The following PLEKHA2 variants were observed in gnomAD, a reference collection of about 807,000 sequenced individuals.
PLEKHA2 encodes the protein pleckstrin homology domain-containing family A member 2.
Under a neutral mutation model 53.2 loss-of-function variants are expected in PLEKHA2, and 28 were observed. That is an observed-to-expected ratio of 0.53 (90% confidence interval 0.39 to 0.72). The LOEUF is 0.72. Ranked by LOEUF, PLEKHA2 falls within the 30% of genes least tolerant of loss-of-function variation. The probability of loss-of-function intolerance (pLI) is 0.00; values close to 1 mark genes in which losing one functional copy is unlikely to be tolerated. For synonymous variants in PLEKHA2, 193 were observed against 196.4 expected (o/e 0.98, Z 0.14); for missense variants, 426 against 537.9 (o/e 0.79, Z 2.06).
intron 10 of PLEKHA2, among the ~76,000 whole-genome samples, chr8:38,958,005 G>A (rs974232580): frequency 2.0e-5 from 3 of 152,172 alleles, no homozygotes; most frequent in Non-Finnish European, 2.9e-5. Flanking sequence ...TCGCAGCCCC[G>A]TGGTGATGCT....
At chr8:38,902,343 C>T (rs531721466) in intron 1 of PLEKHA2, among the ~76,000 whole-genome samples, 29 of 152,248 alleles carry the variant, frequency 1.9e-4, no homozygotes, top group African/African-American at 6.5e-4. Context: ...GCCAGCCCTG[C>T]CCCCAGGCCC....
intron 2 of PLEKHA2, among the ~76,000 whole-genome samples, chr8:38,932,957 C>T (rs960176576): frequency 2.6e-5 from 4 of 152,122 alleles, no homozygotes; most frequent in African/African-American, 7.2e-5. Flanking sequence ...AGAGTGGCTG[C>T]GGCATCTTTC....
At chr8:38,925,300 T>C (rs1225611779) in intron 2 of PLEKHA2, among the ~76,000 whole-genome samples, 1 of 152,242 alleles carries the variant, frequency 6.6e-6, no homozygotes, top group African/African-American at 2.4e-5. Context: ...AGGGCCGCCC[T>C]ACTCTAGTAC....
rs202098185 is a variant in PLEKHA2, at chr8:38,913,742, TC to T, written c.-23-4160del. On this transcript the variant is annotated intron_variant, in intron 1 of 11. Coordinates refer to ENST00000617275, the MANE Select transcript of PLEKHA2 (RefSeq NM_021623.2). ...GCTGAGGCTTCTTTCCAGGATATGC[TC>T]CCCCGCCCCCAGCCAGCGCCAGACC... Among the ~76,000 whole-genome samples the T allele has an allele frequency of 3.8e-3, 576 of 152,184 alleles. 11 individuals carry two copies. The highest frequency in any genetic ancestry group is 0.032 in the East Asian group (166 of 5,158).
At chr8:38,937,371 G>C (rs1488641435) in intron 3 of PLEKHA2, among the ~76,000 whole-genome samples, 2 of 152,194 alleles carry the variant, frequency 1.3e-5, no homozygotes, top group Non-Finnish European at 2.9e-5. Context: ...TCCTCATCTT[G>C]CTGAGAGCTC....
intron 2 of PLEKHA2, among the ~76,000 whole-genome samples, chr8:38,934,046 G>A (rs1288347119): frequency 6.6e-6 from 1 of 151,916 alleles, no homozygotes; most frequent in Non-Finnish European, 1.5e-5. Context: ...TTTGCTTCAA[G>A]CGATGTATGT....
chr8:38,928,364 G>T (rs182835646), intron 2 of PLEKHA2, among the ~76,000 whole-genome samples: 22 of 148,846 alleles, frequency 1.5e-4, no homozygotes, highest in African/African-American at 5.4e-4. Context: ...TTCTCCTACC[G>T]CAGCCTCCCG....
At chr8:38,955,883 T>C (rs1834930177) in intron 9 of PLEKHA2, among the ~76,000 whole-genome samples, 1 of 152,212 alleles carries the variant, frequency 6.6e-6, no homozygotes, top group African/African-American at 2.4e-5. Context: ...CAATCTCAGT[T>C]CACTGCAGCC....
intron 1 of PLEKHA2, among the ~76,000 whole-genome samples, chr8:38,904,868 C>G (rs1833846049): frequency 6.6e-6 from 1 of 152,228 alleles, no homozygotes; most frequent in South Asian, 2.1e-4. Context: ...GTTAGGCACC[C>G]ACACATGCAG....
At chr8:38,955,352 G>A (rs576389920) in intron 9 of PLEKHA2, among the ~76,000 whole-genome samples, 58 of 152,342 alleles carry the variant, frequency 3.8e-4, no homozygotes, top group African/African-American at 1.3e-3. Flanking sequence ...ATTTTAGCCA[G>A]AAAGAGGCAT....
chr8:38,958,620 G>A (rs1457958959), intron 10 of PLEKHA2, among the ~76,000 whole-genome samples: 1 of 152,194 alleles, frequency 6.6e-6, no homozygotes, highest in Non-Finnish European at 1.5e-5. Flanking sequence ...AAGAGACAGC[G>A]GAGTGGGGGC....
chr8:38,962,070 C>A (rs1024754393), intron 10 of PLEKHA2, among the ~76,000 whole-genome samples: 2 of 152,178 alleles, frequency 1.3e-5, no homozygotes, highest in Non-Finnish European at 2.9e-5. Flanking sequence ...AGTTTACACA[C>A]AGGAAAAAGA....
intron 6 of PLEKHA2, among the ~76,000 whole-genome samples, chr8:38,951,688 A>C (rs1834846865): frequency 6.6e-6 from 1 of 151,334 alleles, no homozygotes; most frequent in African/African-American, 2.4e-5. Context: ...TTTTTGTTGG[A>C]GATGGGGTTT....
intron 4 of PLEKHA2, among the ~76,000 whole-genome samples, chr8:38,944,571 AAG>A (rs1834672924): frequency 6.6e-6 from 1 of 152,186 alleles, no homozygotes; most frequent in South Asian, 2.1e-4. Flanking sequence ...AGAAGCAAGA[AAG>A]AGAGTGGGGA....
intron 9 of PLEKHA2, among the ~76,000 whole-genome samples, chr8:38,957,061 G>A (rs945619190): frequency 7.9e-5 from 12 of 152,162 alleles, no homozygotes; most frequent in Admixed American, 6.5e-4. Context: ...TGGAGGGAAA[G>A]GAGCTTGTTA....
intron 2 of PLEKHA2, among the ~76,000 whole-genome samples, chr8:38,933,814 C>T (rs952020192): frequency 7.6e-4 from 54 of 70,774 alleles, no homozygotes; most frequent in Non-Finnish European, 1.3e-3. Flanking sequence ...GAAAAGCAGT[C>T]GCTATGTGGT....
At chr8:38,948,354 A>G (rs1326269358) in intron 5 of PLEKHA2, among the ~76,000 whole-genome samples, 1 of 152,190 alleles carries the variant, frequency 6.6e-6, no homozygotes. Flanking sequence ...GCTTGAGTTG[A>G]CCTCATCTAT....
At chr8:38,935,946 G>T (rs1194261017) in intron 2 of PLEKHA2, 48 bp from the exon 3 acceptor site, 1 of 1,566,148 alleles carries the variant, frequency 6.4e-7, no homozygotes, top group Non-Finnish European at 8.8e-7. Flanking sequence ...TCTGTCTCTT[G>T]GTGCTGTTTC....
chr8:38,904,699 G>A (rs1215662201), intron 1 of PLEKHA2, among the ~76,000 whole-genome samples: 6 of 152,360 alleles, frequency 3.9e-5, no homozygotes, highest in African/African-American at 1.4e-4. Flanking sequence ...AGGGAAGAGT[G>A]AGGGAAGCTG....
Sources: gnomAD v4.1 joint callset for allele counts (sites outside exome capture counted in the v4.1 genomes callset) on GRCh38, gnomAD v4.1.1 for gene constraint, MANE v1.5 for transcripts, NCBI Gene and HGNC (gene_info 2026-07-23, HGNC 2026-07-21) for gene names.